The following BEST2 variants were observed in gnomAD, a reference collection of about 807,000 sequenced individuals.
The protein encoded by BEST2 is bestrophin-2a.
In BEST2, 36 loss-of-function variants were observed where a neutral mutation model predicts 49.0. The observed-to-expected ratio is 0.73, with a 90% CI of 0.56 to 0.97. The LOEUF (loss-of-function observed/expected upper bound fraction) is 0.97. BEST2 is among the 50% of genes least tolerant of loss of function. The probability of loss-of-function intolerance (pLI) is 0.00; values close to 1 mark genes in which losing one functional copy is unlikely to be tolerated. For missense variants in BEST2, 672 were observed against 710.0 expected (o/e 0.95, Z 0.61); for synonymous variants, 335 against 304.4 (o/e 1.10, Z -1.05).
In BEST2 at chr19:12,755,156, CT is replaced by C; in HGVS notation, c.636+127del. The stretch of plus-strand genomic sequence containing the variant: ...TTCAAACACCCTCACCAGGTGCACT[CT>C]TACCTCCATGGGGCTGATTCCAATG... On this transcript the variant is annotated intron_variant, in intron 5 of 9. Transcript: ENST00000553030. The surrounding 1 kb of genome is among the most constrained non-coding windows in gnomAD (Gnocchi z 4.4). The C allele has an allele frequency of 7.9e-7, 1 of 1,268,712 alleles. No homozygotes were observed. The highest frequency in any genetic ancestry group is 1.1e-6 in the Non-Finnish European group (1 of 933,122). 78.6% of individuals were successfully genotyped at this position (1,268,712 alleles called of 1,614,324 possible).
rs370748557 is a variant in BEST2 at position 12,755,673 on chromosome 19, T to C, written c.773T>C (p.Leu258Pro). ...FLACLIGRQF[L>P]DPAQGYKDHD... ...GCTTGCCTCATTGGTCGCCAGTTCCTGGACCCGGCTCAGGGTTACAAAGAC... is the reference window on the plus strand; with the variant it reads ...GCTTGCCTCATTGGTCGCCAGTTCCCGGACCCGGCTCAGGGTTACAAAGAC... The change falls in exon 7 of 10, where the codon CTG becomes CCG. Residue 258 changes from leucine to proline, a missense_variant. By Grantham distance (98) the Leu-to-Pro change is moderately conservative. Transcript: ENST00000553030. The surrounding 1 kb of genome is among the most constrained non-coding windows in gnomAD (Gnocchi z 4.4). 3.7e-6 allele frequency: 6 copies of C among 1,614,022 alleles called. No individual in the cohort carries two copies. The South Asian group carries it at 5.5e-5, about 15-fold the overall frequency.
Position 12,757,706 on chromosome 19 carries a change from G to A in BEST2, c.1159G>A (p.Gly387Arg), listed in dbSNP as rs769532316. 97 of 1,546,470 alleles carry A rather than the reference G, an allele frequency of 6.3e-5. No homozygotes were observed. Among genetic ancestry groups the A allele is most frequent in the Admixed American group, 3.3e-4 (17 of 51,350 alleles). The change falls in exon 10 of 10, where the codon GGA becomes AGA. Residue 387 changes from glycine (G) to arginine (R), a missense_variant. Gly to Arg is a moderately radical substitution (Grantham distance 125, BLOSUM62 -2). Coordinates refer to ENST00000553030, the MANE Select transcript of BEST2 (RefSeq NM_017682.3). Reference protein sequence around the residue: ...QRLDGLDGPMGEAPGDFLQRL... With the variant: ...QRLDGLDGPMREAPGDFLQRL... The stretch of plus-strand genomic sequence containing the variant: ...GCTGGACGGCTTGGATGGACCGATG[G>A]GAGAGGCGCCCGGCGACTTCCTGCA...
At chr19:12,752,898 G>A (rs977212592) in intron 2 of BEST2, among the ~76,000 whole-genome samples, 154 bp downstream of exon 2, 1 of 151,794 alleles carries the variant, frequency 6.6e-6, no homozygotes, top group Non-Finnish European at 1.5e-5. Flanking sequence ...ACCCAGGCTG[G>A]AGTGCAGTGG....
At chr19:12,754,124 G>T (rs1173300257) in intron 3 of BEST2, among the ~76,000 whole-genome samples, 1 of 128,800 alleles carries the variant, frequency 7.8e-6, no homozygotes, top group East Asian at 2.3e-4. Context: ...TGCCCAAGCT[G>T]GAGTGCAATG....
At position 12,752,730 on chromosome 19, in the gene BEST2, G is replaced by A. The variant is rs781620029; in HGVS notation, c.138G>A (p.Leu46=). The part of the protein sequence containing the change: ...LLCFLGFYMA[L]SAAYRFVLTE... ...GCTTCCTTGGGTTCTACATGGCGCT[G>A]AGTGCTGCCTACCGGTGAGGCTGCC... is the stretch of plus-strand genomic sequence containing the variant. Residue 46 remains leucine, a synonymous_variant, in exon 2 of 10, where the codon CTG becomes CTA. Coordinates refer to ENST00000553030, the MANE Select transcript of BEST2 (RefSeq NM_017682.3). The A allele has an allele frequency of 1.9e-5, 30 of 1,611,848 alleles. No homozygotes were observed. In the East Asian group the frequency reaches 6.5e-4, roughly 35 times the overall value.
At position 12,757,882 on chromosome 19, in the gene BEST2, G is replaced by A. The variant is rs1486559355; in HGVS notation, c.1335G>A (p.Glu445=). Residue 445 remains glutamate, a synonymous_variant, in exon 10 of 10, where the codon GAG becomes GAA. Transcript: ENST00000553030. ...CAVVPEGAAP[E]CSCGDPLLDP... is the part of the protein sequence containing the mutation. ...TTGTCCCCGAAGGCGCGGCCCCGGA[G>A]TGCAGCTGCGGGGACCCGCTGCTCG... 5 of 1,550,464 alleles carry A rather than the reference G, an allele frequency of 3.2e-6. No individual in the cohort carries two copies. Among genetic ancestry groups the A allele is most frequent in the African/African-American group, 1.4e-5 (1 of 73,368 alleles).
In BEST2 at chr19:12,753,450, TC is replaced by T. The variant is rs146393435; in HGVS notation, c.247+104del. On this transcript the variant is annotated intron_variant, in intron 3 of 9. Transcript: ENST00000553030. ...AGCCCCCATTCCTGCCCCTCTGAGA[TC>T]CCCCCCCTCAAATCCAACCCCGACA... 4,937 of 1,132,960 alleles carry T rather than the reference TC, an allele frequency of 4.4e-3. 117 individuals are homozygous for T. In the African/African-American group the frequency reaches 0.065, roughly 15 times the overall value. 70.2% of individuals were successfully genotyped at this position (1,132,960 alleles called of 1,614,324 possible).
intron 9 of BEST2, 74 bp downstream of exon 9, chr19:12,756,369 T>C (rs1967944807): frequency 6.5e-7 from 1 of 1,549,494 alleles, no homozygotes; most frequent in Admixed American, 1.7e-5. Context: ...ATTGAAAAGG[T>C]TAAGTGGAAT....
chr19:12,757,763 G>C lies in BEST2; in HGVS notation c.1216G>C (p.Ala406Pro), dbSNP rs371090751. 3.6e-4 allele frequency: 561 copies of C among 1,544,754 alleles called. 5 individuals carry two copies. In the East Asian group the frequency reaches 0.012, roughly 33 times the overall value. Reference sequence around the variant, plus strand: ...CCTGCCGGCGGGCGCGGGCATGGTCGCGGGAGGCCCGCTGGGCCGGCGCCT... The same window carrying C: ...CCTGCCGGCGGGCGCGGGCATGGTCCCGGGAGGCCCGCTGGGCCGGCGCCT... Reference protein sequence around the residue: ...RLLPAGAGMVAGGPLGRRLSF... With the variant: ...RLLPAGAGMVPGGPLGRRLSF... Residue 406 changes from alanine to proline, a missense_variant, in exon 10 of 10, where the codon GCG (alanine) becomes CCG (proline). Transcript: ENST00000553030.
Position 12,758,157 on chromosome 19 carries a change from C to A in BEST2, c.*80C>A. ...ACGCAGGTGTCCCGGTCTGCATAAG[C>A]CTCGTGTGCCTTTGTAAAGTCCACC... is the stretch of plus-strand genomic sequence containing the variant. On this transcript the variant is annotated 3_prime_UTR_variant, in exon 10 of 10. Transcript: ENST00000553030. The A allele has an allele frequency of 6.8e-7, 1 of 1,474,160 alleles. No homozygotes were observed. The highest frequency in any genetic ancestry group is 1.2e-5 in the South Asian group (1 of 81,194). 91.3% of individuals were successfully genotyped at this position (1,474,160 alleles called of 1,614,324 possible).
chr19:12,757,671 A>G lies in BEST2; in HGVS notation c.1124A>G (p.Gln375Arg). ...FDITLAKEDM[Q>R]FQRLDGLDGP... is the part of the protein sequence containing the mutation. ...CGCAGGCTGGCCAAAGAAGACATGC[A>G]GTTCCAGCGGCTGGACGGCTTGGAT... Residue 375 changes from glutamine (Q) to arginine (R), a missense_variant, in exon 10 of 10, where the codon CAG (glutamine) becomes CGG (arginine). Coordinates refer to ENST00000553030, the MANE Select transcript of BEST2 (RefSeq NM_017682.3). The G allele has an allele frequency of 6.5e-7, 1 of 1,542,444 alleles. No individual in the cohort carries two copies. Among genetic ancestry groups the G allele is most frequent in the Non-Finnish European group, 8.7e-7 (1 of 1,148,576 alleles).
chr19:12,757,821 C>T lies in BEST2; in HGVS notation c.1274C>T (p.Ser425Leu). The stretch of plus-strand genomic sequence containing the variant: ...CTACTCCGCAAGAACAGCTGCGTGT[C>T]GGAGGCGTCTACTGGGGCCAGCTGC... ...SFLLRKNSCVSEASTGASCSC... is the reference protein window; with the variant it reads ...SFLLRKNSCVLEASTGASCSC... Residue 425 changes from serine (S) to leucine (L), a missense_variant, in exon 10 of 10, where the codon TCG (serine) becomes TTG (leucine). This residue lies in a region of BEST2 where 291 missense variants were observed against 279.8 expected (regional missense o/e 1.04). Coordinates refer to ENST00000553030, the MANE Select transcript of BEST2 (RefSeq NM_017682.3). 2.6e-6 allele frequency: 4 copies of T among 1,549,086 alleles called. No homozygotes were observed. Among genetic ancestry groups the T allele is most frequent in the Non-Finnish European group, 3.5e-6 (4 of 1,146,626 alleles).
rs754803493 is a variant in BEST2, at chr19:12,755,839, C to T, written c.868-16C>T. The T allele has an allele frequency of 1.9e-6, 3 of 1,613,982 alleles. No individual in the cohort carries two copies. The highest frequency in any genetic ancestry group is 2.7e-5 in the African/African-American group (2 of 74,934). ...GGGTTCCCAAGTTTCCACCTAACTG[C>T]TCCCTCTCCTCTCAGGTAGCTGAGC... On this transcript the variant is annotated splice_polypyrimidine_tract_variant and intron_variant, in intron 7 of 9. Coordinates refer to ENST00000553030, the MANE Select transcript of BEST2 (RefSeq NM_017682.3). This position sits in a 1 kb window ranked among gnomAD's most constrained non-coding sequence, Gnocchi z 4.4.
In BEST2 at chr19:12,755,755, C is replaced by T. The variant is rs200165904; in HGVS notation, c.855C>T (p.Ala285=). 344 of 1,614,088 alleles carry T rather than the reference C, an allele frequency of 2.1e-4. No individual in the cohort carries two copies. The African/African-American group carries it at 4.1e-3, about 19-fold the overall frequency. ...CCCTCTTGCAGTTCTTCTTCTACGC[C>T]GGCTGGCTCAAGGTAGGTGGGTGAT... ...IFTLLQFFFY[A]GWLKVAEQLI... The change falls in exon 7 of 10, where the codon GCC becomes GCT. Residue 285 remains alanine, a synonymous_variant. Transcript: ENST00000553030. The surrounding 1 kb of genome is among the most constrained non-coding windows in gnomAD (Gnocchi z 4.4).
chr19:12,754,849 C>T (rs772204116), intron 4 of BEST2, 28 bp from the exon 5 acceptor site: 9 of 1,600,764 alleles, frequency 5.6e-6, no homozygotes, highest in South Asian at 1.1e-5. Flanking sequence ...GGGCAAGGGG[C>T]GAGCTATCCC....
rs1452857033 is a variant in BEST2 at position 12,754,643 on chromosome 19, C to G, written c.339C>G (p.Thr113=). The G allele has an allele frequency of 6.4e-7, 1 of 1,560,912 alleles. No individual in the cohort carries two copies. The highest frequency in any genetic ancestry group is 8.7e-7 in the Non-Finnish European group (1 of 1,151,966). ...PDALMCVVAG[T]VHGRDDRGRL... ...CGCTCATGTGCGTGGTGGCGGGCAC[C>G]GTGCACGGACGCGACGACCGCGGCC... Residue 113 remains threonine, a synonymous_variant, in exon 4 of 10, where the codon ACC becomes ACG. Coordinates refer to ENST00000553030, the MANE Select transcript of BEST2 (RefSeq NM_017682.3).
rs1192035113 is a variant in BEST2, at chr19:12,753,299, G to A, written c.192G>A (p.Lys64=). ...LTEGQKRYFE[K]LVIYCDQYAS... ...AAGGGCAGAAGCGCTACTTCGAGAA[G>A]CTTGTGATTTATTGTGACCAGTATG... The change falls in exon 3 of 10, where the codon AAG becomes AAA. Residue 64 remains lysine (K), a synonymous_variant. Transcript: ENST00000553030. 1 of 1,614,174 alleles carries A rather than the reference G, an allele frequency of 6.2e-7. No individual in the cohort carries two copies. The highest frequency in any genetic ancestry group is 8.5e-7 in the Non-Finnish European group (1 of 1,180,026).
Position 12,757,884 on chromosome 19 carries a change from G to A in BEST2, c.1337G>A (p.Cys446Tyr). 2 of 1,550,482 alleles carry A rather than the reference G, an allele frequency of 1.3e-6. No homozygotes were observed. The highest frequency in any genetic ancestry group is 1.7e-6 in the Non-Finnish European group (2 of 1,148,084). The part of the protein sequence containing the change: ...AVVPEGAAPE[C>Y]SCGDPLLDPG... The stretch of plus-strand genomic sequence containing the variant: ...GTCCCCGAAGGCGCGGCCCCGGAGT[G>A]CAGCTGCGGGGACCCGCTGCTCGAC... The change falls in exon 10 of 10, where the codon TGC (cysteine) becomes TAC (tyrosine). Residue 446 changes from cysteine (C) to tyrosine (Y), a missense_variant. Around this residue, in one of 3 missense-constraint regions of BEST2, gnomAD observed 291 missense variants for 279.8 expected, o/e 1.04. Transcript: ENST00000553030.
chr19:12,752,611 G>T lies in BEST2; in HGVS notation c.19G>T (p.Ala7Ser). MTVTYT[A>S]RVANARFGGF... ...TGCCACGATGACCGTCACCTACACA[G>T]CCCGAGTGGCGAACGCCCGCTTCGG... The change falls in exon 2 of 10, where the codon GCC (alanine) becomes TCC (serine). Residue 7 changes from alanine (A) to serine (S), a missense_variant. Physicochemically the swap from Ala to Ser is moderately conservative, Grantham distance 99. This residue lies in a region of BEST2 where 365 missense variants were observed against 390.9 expected (regional missense o/e 0.93). Coordinates refer to ENST00000553030, the MANE Select transcript of BEST2 (RefSeq NM_017682.3). 1 of 1,612,012 alleles carries T rather than the reference G, an allele frequency of 6.2e-7. No homozygotes were observed.
Sources: allele counts gnomAD v4.1 joint callset (sites outside exome capture counted in the v4.1 genomes callset), GRCh38; gene constraint gnomAD v4.1.1; regional missense constraint gnomAD v4.1.1; non-coding constraint Gnocchi (gnomAD v3.1); transcripts MANE v1.5; gene names NCBI Gene and HGNC (gene_info 2026-07-23, HGNC 2026-07-21).